Variants in NAA60 observed in about 807,000 individuals in gnomAD.
The protein encoded by NAA60 is N-alpha-acetyltransferase 60.
A neutral mutation model predicts 26.1 loss-of-function variants in NAA60; 8 were observed. That is an observed-to-expected ratio of 0.31 (90% CI 0.18 to 0.55). The LOEUF is 0.55. Ranked by LOEUF, NAA60 falls within the 20% of genes least tolerant of loss-of-function variation. The probability of loss-of-function intolerance (pLI) is 0.93; values close to 1 mark genes in which losing one functional copy is unlikely to be tolerated. For synonymous variants in NAA60, 131 were observed against 122.5 expected, an observed-to-expected ratio of 1.07 and a Z score of -0.46; for missense variants, 290 against 311.3, an observed-to-expected ratio of 0.93 and a Z score of 0.51.
intron 2 of NAA60, among the ~76,000 whole-genome samples, chr16:3,455,708 TTTTTG>T (rs950985860): frequency 2.7e-4 from 40 of 146,768 alleles, no homozygotes; most frequent in Admixed American, 1.9e-3. Flanking sequence ...GTTTTGGGTT[TTTTTG>T]TTTTGTTTTG....
At chr16:3,443,639 T>A (rs968617971), upstream of NAA60, 69 of 1,096,512 alleles carry the variant, frequency 6.3e-5, no homozygotes, top group Non-Finnish European at 7.7e-5. Flanking sequence ...ACTGGGCAGC[T>A]GCGAGAGGTA....
At chr16:3,466,391 G>A (rs932809195) in intron 2 of NAA60, among the ~76,000 whole-genome samples, 3 of 152,216 alleles carry the variant, frequency 2.0e-5, no homozygotes, top group African/African-American at 7.2e-5. Context: ...AGAAGCCAGG[G>A]ATGCTGAGGA....
rs765483389 is a variant in NAA60, at chr16:3,443,714, C to A, written c.-200C>A. 4.8e-6 allele frequency: 7 copies of A among 1,465,322 alleles called. No homozygotes were observed. The highest frequency in any genetic ancestry group is 6.3e-6 in the Non-Finnish European group (7 of 1,110,908). The allele number at this position is 1,465,322 out of a possible 1,614,324, so 90.8% of individuals were successfully genotyped here. On this transcript the variant is annotated 5_prime_UTR_variant, in exon 1 of 8. Transcript: ENST00000407558. ...CTGGCGGGGTCTCCTCCGTGAGCTC[C>A]GGGCCTGTTTGCCTGCTGAAGTAGA... is the stretch of plus-strand genomic sequence containing the variant.
In NAA60 at chr16:3,484,679, C is replaced by T; in HGVS notation, c.573-20C>T. 1.3e-6 allele frequency: 2 copies of T among 1,577,198 alleles called. No individual in the cohort carries two copies. The highest frequency in any genetic ancestry group is 2.3e-5 in the South Asian group (2 of 85,950). On this transcript the variant is annotated intron_variant, in intron 6 of 7. Coordinates refer to ENST00000407558, the MANE Select transcript of NAA60 (RefSeq NM_001083601.3). ...GAGCGTGGTCAGGGCAAGTCGGAAT[C>T]TTCCTTAACAGAGCCCCACGGACTA...
intron 2 of NAA60, among the ~76,000 whole-genome samples, chr16:3,472,862 C>T (rs1190224017): frequency 6.6e-6 from 1 of 152,226 alleles, no homozygotes; most frequent in East Asian, 1.9e-4. Context: ...AACATTCTGT[C>T]ATTTTGCCCC....
intron 2 of NAA60, 138 bp from the exon 3 acceptor site, chr16:3,476,078 GAGAGGC>G (rs2036462894): frequency 1.6e-6 from 1 of 612,936 alleles, no homozygotes. Flanking sequence ...GGGCGATCGT[GAGAGGC>G]AGAGGCCTCT....
intron 2 of NAA60, among the ~76,000 whole-genome samples, chr16:3,463,551 TAAAAAAAAA>T (rs71133639): frequency 8.8e-6 from 1 of 113,924 alleles, no homozygotes; most frequent in Non-Finnish European, 1.7e-5. Flanking sequence ...GACCCTGTGT[TAAAAAAAAA>T]AAAAAAAAAA....
chr16:3,467,990 C>G (rs575074353), intron 2 of NAA60: 10 of 152,304 alleles, frequency 6.6e-5, no homozygotes, highest in South Asian at 2.1e-4. Flanking sequence ...TAAATACCCT[C>G]TAGAGGTTTC....
At chr16:3,453,641 C>T (rs2034870109) in intron 2 of NAA60, among the ~76,000 whole-genome samples, 2 of 152,084 alleles carry the variant, frequency 1.3e-5, no homozygotes, top group African/African-American at 4.8e-5. Flanking sequence ...CTCCCAACCT[C>T]AGGTGATCTG....
chr16:3,483,700 G>C (rs2151022020), intron 6 of NAA60, 103 bp downstream of exon 6: 1 of 881,924 alleles, frequency 1.1e-6, no homozygotes, highest in African/African-American at 1.7e-5. Context: ...TGATGTTCAG[G>C]TGGCCAAGCT....
chr16:3,480,809 G>A (rs1467475177), intron 4 of NAA60, among the ~76,000 whole-genome samples: 1 of 152,178 alleles, frequency 6.6e-6, no homozygotes. Context: ...AGGAGGCTGA[G>A]GCACAAGAAT....
intron 2 of NAA60, among the ~76,000 whole-genome samples, chr16:3,463,919 A>G (rs572901617): frequency 3.9e-5 from 6 of 152,342 alleles, no homozygotes; most frequent in Admixed American, 3.9e-4. Context: ...AAAACAACCC[A>G]AGGTTATTGC....
At chr16:3,479,312 G>A (rs1390318627) in intron 3 of NAA60, among the ~76,000 whole-genome samples, 159 bp from the exon 4 acceptor site, 2 of 152,186 alleles carry the variant, frequency 1.3e-5, no homozygotes, top group Non-Finnish European at 2.9e-5. Flanking sequence ...AGGTGGCTGT[G>A]ACAGTTAGGT....
intron 2 of NAA60, among the ~76,000 whole-genome samples, chr16:3,463,504 A>T (rs1596312289): frequency 6.7e-6 from 1 of 149,374 alleles, no homozygotes; most frequent in South Asian, 2.1e-4. Flanking sequence ...GTGAGCCAAG[A>T]TCGTGCCACT....
chr16:3,450,839 C>T (rs1367953129), intron 2 of NAA60, among the ~76,000 whole-genome samples: 1 of 152,012 alleles, frequency 6.6e-6, no homozygotes, highest in Non-Finnish European at 1.5e-5. Context: ...TGGAGAGAGG[C>T]ATCATTCTGC....
At chr16:3,472,118 G>T (rs951122440) in intron 2 of NAA60, 5 of 152,240 alleles carry the variant, frequency 3.3e-5, no homozygotes, top group African/African-American at 1.2e-4. Context: ...TGAGACCTCA[G>T]TGGAGTGTGC....
intron 2 of NAA60, among the ~76,000 whole-genome samples, chr16:3,466,110 G>A (rs1277368753): frequency 6.6e-6 from 1 of 152,188 alleles, no homozygotes; most frequent in South Asian, 2.1e-4. Context: ...GTAGCACATC[G>A]CCATCGCGCT....
At position 3,483,552 on chromosome 16, in the gene NAA60, C is replaced by A; in HGVS notation, c.527C>A (p.Thr176Asn). 6.2e-7 allele frequency: 1 copy of A among 1,613,392 alleles called. No homozygotes were observed. Among genetic ancestry groups the A allele is most frequent in the East Asian group, 2.2e-5 (1 of 44,882 alleles). Residue 176 changes from threonine (T) to asparagine (N), a missense_variant, in exon 6 of 8, where the codon ACC (threonine) becomes AAC (asparagine). Physicochemically the swap from Thr to Asn is moderately conservative, Grantham distance 65 (BLOSUM62 0). Transcript: ENST00000407558. ...CGAGGGGTCCTCAAAGATGGCTTCA[C>A]CTATGTCCTCTACATCAACGGCGGC... ...SIRGVLKDGFTYVLYINGGHP... is the reference protein window; with the variant it reads ...SIRGVLKDGFNYVLYINGGHP...
intron 2 of NAA60, among the ~76,000 whole-genome samples, chr16:3,471,728 T>C (rs541675071): frequency 6.6e-6 from 1 of 152,196 alleles, no homozygotes; most frequent in South Asian, 2.1e-4. Flanking sequence ...GTGGTGTTTT[T>C]TTCAGAGCCA....
Sources: gnomAD v4.1 joint callset for allele counts (sites outside exome capture counted in the v4.1 genomes callset) on GRCh38, gnomAD v4.1.1 for gene constraint, MANE v1.5 for transcripts, NCBI Gene and HGNC (gene_info 2026-07-23, HGNC 2026-07-21) for gene names.